ANKFN1: variants seen among roughly 807,000 people sequenced by gnomAD.
ANKFN1 encodes ankyrin repeat and fibronectin type-III domain-containing protein 1.
In ANKFN1, 74 loss-of-function variants were observed where a neutral mutation model predicts 108.7. That is an observed-to-expected ratio of 0.68 (90% confidence interval 0.56 to 0.83). The LOEUF (loss-of-function observed/expected upper bound fraction) is 0.83. ANKFN1 is among the 40% of genes least tolerant of loss of function. The pLI is 0.00. For synonymous variants in ANKFN1, 547 were observed against 516.2 expected (o/e 1.06, Z -0.81); for missense variants, 1,505 against 1,382.3 (o/e 1.09, Z -1.41).
At chr17:56,491,532 C>A (rs2051039442) in intron 18 of ANKFN1, among the ~76,000 whole-genome samples, 1 of 152,174 alleles carries the variant, frequency 6.6e-6, no homozygotes, top group Non-Finnish European at 1.5e-5. Context: ...CCTGTGATAT[C>A]TGTCCAATTA....
intron 4 of ANKFN1, among the ~76,000 whole-genome samples, chr17:56,067,387 A>C (rs918527643): frequency 6.6e-6 from 1 of 152,292 alleles, no homozygotes; most frequent in African/African-American, 2.4e-5. Context: ...TCTATTGAAC[A>C]GTGCTGCTCT....
intron 4 of ANKFN1, among the ~76,000 whole-genome samples, chr17:56,132,398 C>G (rs989962041): frequency 9.2e-5 from 14 of 151,814 alleles, no homozygotes; most frequent in Non-Finnish European, 1.6e-4. Flanking sequence ...CTCAGGGCAC[C>G]TCTTGCAAAT....
intron 4 of ANKFN1, among the ~76,000 whole-genome samples, chr17:56,089,677 C>A (rs143504964): frequency 6.6e-6 from 1 of 151,122 alleles, no homozygotes; most frequent in African/African-American, 2.4e-5. Flanking sequence ...AGGCATAAGG[C>A]GCAAAGACAG....
chr17:56,448,473 G>C (rs9899492), intron 10 of ANKFN1, among the ~76,000 whole-genome samples: 11,748 of 152,250 alleles, frequency 0.077, 1,511 homozygotes, highest in African/African-American at 0.27. Context: ...TGAGCAGACA[G>C]GGTGGTTGGT....
intron 3 of ANKFN1, among the ~76,000 whole-genome samples, chr17:56,292,224 G>C (rs1464111889): frequency 6.6e-6 from 1 of 152,178 alleles, no homozygotes; most frequent in African/African-American, 2.4e-5. Context: ...GTAAAACTTG[G>C]TTTCCTGGGG....
rs1916407984 is a variant in ANKFN1 at position 56,227,922 on chromosome 17, A to T, written c.18A>T (p.Leu6=). The change falls in exon 3 of 21, where the codon CTA becomes CTT. Residue 6 remains leucine (L), a synonymous_variant. Transcript: ENST00000682825. ...TTTTTCTTTCTTTGTTTCAGAGGCT[A>T]CTCTTTAAAGACAGGCATTTTACTT... MNEKR[L]LFKDRHFTCS... 1 of 1,604,524 alleles carries T rather than the reference A, an allele frequency of 6.2e-7. No homozygotes were observed. Among genetic ancestry groups the T allele is most frequent in the African/African-American group, 1.4e-5 (1 of 74,064 alleles).
At chr17:56,302,640 A>G (rs1171178386) in intron 3 of ANKFN1, among the ~76,000 whole-genome samples, 1 of 152,238 alleles carries the variant, frequency 6.6e-6, no homozygotes, top group Non-Finnish European at 1.5e-5. Flanking sequence ...TTAAAGAGAT[A>G]GAGAACAGAG....
At chr17:56,428,973 G>A (rs767326244) in intron 8 of ANKFN1, among the ~76,000 whole-genome samples, 3 of 151,864 alleles carry the variant, frequency 2.0e-5, no homozygotes, top group Non-Finnish European at 2.9e-5. Flanking sequence ...TGGCCACTGT[G>A]AGGGATGCAA....
At chr17:56,204,841 C>G (rs531733332) in intron 1 of ANKFN1, among the ~76,000 whole-genome samples, 12 of 151,882 alleles carry the variant, frequency 7.9e-5, no homozygotes, top group South Asian at 4.2e-4. Context: ...TTTGTGAGGC[C>G]GAGGTGGGCG....
chr17:56,214,428 T>A (rs923895038), intron 2 of ANKFN1, among the ~76,000 whole-genome samples: 25 of 152,326 alleles, frequency 1.6e-4, no homozygotes, highest in South Asian at 6.2e-4. Context: ...TGAAAATAGA[T>A]AAGCCAGGAG....
At chr17:56,392,508 T>C (rs1465995118) in intron 8 of ANKFN1, among the ~76,000 whole-genome samples, 1 of 152,210 alleles carries the variant, frequency 6.6e-6, no homozygotes, top group African/African-American at 2.4e-5. Context: ...GGCAGATTTT[T>C]CCATTGTTGA....
chr17:56,097,737 T>G (rs1216147074), intron 4 of ANKFN1, among the ~76,000 whole-genome samples: 1 of 152,200 alleles, frequency 6.6e-6, no homozygotes, highest in East Asian at 1.9e-4. Context: ...CAGCCTCGTC[T>G]TTTCATCCAG....
chr17:56,403,514 C>T (rs1448833583), intron 8 of ANKFN1, among the ~76,000 whole-genome samples: 1 of 152,026 alleles, frequency 6.6e-6, no homozygotes, highest in Admixed American at 6.6e-5. Context: ...CATGAAATGC[C>T]TTTTTCCACC....
intron 3 of ANKFN1, among the ~76,000 whole-genome samples, chr17:56,272,147 T>C (rs2043809967): frequency 6.6e-6 from 1 of 152,206 alleles, no homozygotes. Flanking sequence ...TTTATTACGG[T>C]ATAATACCTT....
intron 1 of ANKFN1, among the ~76,000 whole-genome samples, chr17:56,185,422 T>C (rs1912095606): frequency 6.6e-6 from 1 of 152,214 alleles, no homozygotes; most frequent in African/African-American, 2.4e-5. Flanking sequence ...ATAACCTTTA[T>C]AACCCCCCTT....
intron 4 of ANKFN1, among the ~76,000 whole-genome samples, chr17:56,132,371 A>G (rs1470352334): frequency 8.6e-5 from 13 of 152,034 alleles, no homozygotes; most frequent in Admixed American, 8.5e-4. Context: ...CTGCATAGCC[A>G]TATGTGGCCA....
intron 3 of ANKFN1, among the ~76,000 whole-genome samples, chr17:56,315,520 A>G (rs1171945147): frequency 6.6e-6 from 1 of 152,220 alleles, no homozygotes; most frequent in Non-Finnish European, 1.5e-5. Flanking sequence ...CTCTCTGAGC[A>G]AAATCTTGTA....
intron 2 of ANKFN1, among the ~76,000 whole-genome samples, chr17:56,213,279 C>G (rs1192980617): frequency 6.6e-6 from 1 of 152,188 alleles, no homozygotes; most frequent in African/African-American, 2.4e-5. Context: ...GGCCCCAAGA[C>G]AGCAGGCCCC....
intron 8 of ANKFN1, among the ~76,000 whole-genome samples, chr17:56,376,125 T>C (rs2046941750): frequency 6.6e-6 from 1 of 152,162 alleles, no homozygotes; most frequent in Non-Finnish European, 1.5e-5. Context: ...TCACTATGGC[T>C]CTCTCTGCCC....
Sources: allele counts gnomAD v4.1 joint callset (sites outside exome capture counted in the v4.1 genomes callset), GRCh38; gene constraint gnomAD v4.1.1; transcripts MANE v1.5; gene names NCBI Gene and HGNC (gene_info 2026-07-23, HGNC 2026-07-21).